NPHS1: variants seen among roughly 807,000 people sequenced by gnomAD.
The protein encoded by NPHS1 is nephrin.
NPHS1 carries 107 observed loss-of-function variants against 139.7 expected under a neutral mutation model. The observed-to-expected ratio is 0.77, with a 90% CI of 0.66 to 0.90. NPHS1 has a LOEUF of 0.90. Ranked by LOEUF, NPHS1 falls within the 40% of genes least tolerant of loss-of-function variation. The pLI is 0.00. For synonymous variants in NPHS1, 707 were observed against 706.6 expected (o/e 1.00, Z -0.01); for missense variants, 1,580 against 1,654.2 (o/e 0.96, Z 0.78).
intron 22 of NPHS1, among the ~76,000 whole-genome samples, chr19:35,837,813 G>A (rs1463811643): frequency 6.6e-6 from 1 of 151,822 alleles, no homozygotes; most frequent in Non-Finnish European, 1.5e-5. Context: ...TGTTGGTCAG[G>A]CTGGTCTCAA....
rs766776753 is a variant in NPHS1, at chr19:35,842,183, G to C, written c.2604C>G (p.Val868=). The change falls in exon 19 of 29, where the codon GTC becomes GTG. Residue 868 remains valine, a synonymous_variant. Transcript: ENST00000378910. ...TTGTCCAAGTGAAAACGATGTTGGG[G>C]ACACCTCGGGCACGGCAGTGGAGGG... ...SATLHCRARG[V]PNIVFTWTKN... is the part of the protein sequence containing the mutation. 7 of 1,611,474 alleles carry C rather than the reference G, an allele frequency of 4.3e-6. No individual in the cohort carries two copies. In the East Asian group the frequency reaches 1.6e-4, roughly 36 times the overall value.
At chr19:35,830,200 G>A (rs886574160) in intron 28 of NPHS1, among the ~76,000 whole-genome samples, 24 of 152,192 alleles carry the variant, frequency 1.6e-4, no homozygotes, top group Admixed American at 1.1e-3. Flanking sequence ...CTCCTTTGCC[G>A]TCAGATGTGA....
In NPHS1 at chr19:35,844,094, G is replaced by A. The variant is rs1460836648; in HGVS notation, c.2212+9C>T. On this transcript the variant is annotated intron_variant, in intron 16 of 28. Transcript: ENST00000378910. ...GGTGGGTGTGGTTTCCATGGTGGGC[G>A]GGGCTCACAGTGCACGTCCAGCCGC... 3 of 1,605,622 alleles carry A rather than the reference G, an allele frequency of 1.9e-6. No individual in the cohort carries two copies. Among genetic ancestry groups the A allele is most frequent in the South Asian group, 1.1e-5 (1 of 90,898 alleles).
At position 35,852,485 on chromosome 19, in the gene NPHS1, C is replaced by T. The variant is rs1052693711; in HGVS notation, c.-648G>A. Among the ~76,000 whole-genome samples, 2 of 152,146 alleles carry T rather than the reference C, an allele frequency of 1.3e-5. No individual in the cohort carries two copies. The highest frequency in any genetic ancestry group is 4.8e-5 in the African/African-American group (2 of 41,436). ...TGGCAGAGTCAGCCCTGCTCTCTGA[C>T]CCAGCTTGAGCTCATTCTCACAGTG... On this transcript the variant is annotated 5_prime_UTR_variant, in exon 1 of 29. Coordinates refer to ENST00000378910, the MANE Select transcript of NPHS1 (RefSeq NM_004646.4).
At chr19:35,831,186 C>T (rs1300498388) in intron 26 of NPHS1, 40 bp from the exon 27 acceptor site, 1 of 1,611,784 alleles carries the variant, frequency 6.2e-7, no homozygotes, top group South Asian at 1.1e-5. Flanking sequence ...CCTTTCCATC[C>T]TCTGACCCCA....
At chr19:35,827,635 T>G (rs897442269) in intron 28 of NPHS1, among the ~76,000 whole-genome samples, 6 of 152,110 alleles carry the variant, frequency 3.9e-5, no homozygotes, top group Non-Finnish European at 5.9e-5. Context: ...ATAAAACCTT[T>G]AGGCCAAGCA....
Position 35,826,603 on chromosome 19 carries a change from G to T in NPHS1, c.3637C>A (p.Pro1213Thr). Residue 1213 changes from proline to threonine, a missense_variant, in exon 29 of 29, where the codon CCA (proline) becomes ACA (threonine). Pro to Thr is a conservative substitution (Grantham distance 38). Transcript: ENST00000378910. ...GCCACCTGGTCATAGATTCCTCTTG[G>T]ATCCTGATATGTGTCTTCAGGCCAG... ...LHWPEDTYQD[P>T]RGIYDQVAGD... The T allele has an allele frequency of 6.2e-7, 1 of 1,614,072 alleles. No individual in the cohort carries two copies.
In NPHS1 at chr19:35,830,890, T is replaced by G. The variant is rs773724281; in HGVS notation, c.3548A>C (p.Tyr1183Ser). The change falls in exon 28 of 29, where the codon TAC (tyrosine) becomes TCC (serine). Residue 1183 changes from tyrosine (Y) to serine (S), a missense_variant. Tyr to Ser is a moderately radical substitution (Grantham distance 144, BLOSUM62 -2). Transcript: ENST00000378910. ...GGGTCCCCAGGCTCCAGACGGGGGG[T>G]ACGTTCTTTCTACCTCATCATACAA... ...GHLYDEVERT[Y>S]PPSGAWGPLY... 6.2e-6 allele frequency: 10 copies of G among 1,613,792 alleles called. No homozygotes were observed. The Admixed American group carries it at 1.5e-4, about 24-fold the overall frequency.
chr19:35,831,277 C>G lies in NPHS1; in HGVS notation c.3387+19G>C, dbSNP rs752235747. The G allele has an allele frequency of 1.2e-6, 2 of 1,613,714 alleles. No homozygotes were observed. The highest frequency in any genetic ancestry group is 1.7e-5 in the Admixed American group (1 of 60,016). On this transcript the variant is annotated intron_variant, in intron 26 of 28. Transcript: ENST00000378910. ...GTCGGTGCCCTGATTGTGGGGTCAC[C>G]AGGGCCACCCCCACTTACCGTGGAG...
Position 35,846,134 on chromosome 19 carries a change from T to C in NPHS1, c.1501A>G (p.Ser501Gly), listed in dbSNP as rs1161321791. The C allele has an allele frequency of 6.3e-7, 1 of 1,597,886 alleles. No homozygotes were observed. The highest frequency in any genetic ancestry group is 1.1e-5 in the South Asian group (1 of 88,260). ...PQESRRVHLG[S>G]VEKSGSTFSR... ...AAGGTGCTCCCAGATTTCTCCACGC[T>C]GCCGAGATGCACGCGCCGCGACTCC... is the stretch of plus-strand genomic sequence containing the variant. Residue 501 changes from serine to glycine, a missense_variant, in exon 12 of 29, where the codon AGC becomes GGC. By Grantham distance (56) the Ser-to-Gly change is moderately conservative (BLOSUM62 0). Transcript: ENST00000378910.
intron 20 of NPHS1, 83 bp downstream of exon 20, chr19:35,841,632 A>T (rs567186833): frequency 1.9e-6 from 3 of 1,545,898 alleles, no homozygotes; most frequent in South Asian, 1.1e-5. Flanking sequence ...TTTCAGAAAC[A>T]TGGGCAGCCC....
At position 35,845,900 on chromosome 19, in the gene NPHS1, A is replaced by C. The variant is rs898546136; in HGVS notation, c.1628-102T>G. 6.6e-7 allele frequency: 1 copy of C among 1,523,570 alleles called. No individual in the cohort carries two copies. The allele number at this position is 1,523,570 out of a possible 1,614,324, so 94.4% of individuals were successfully genotyped here. A position where few individuals can be genotyped will look rare whatever the true frequency, so the allele number is the denominator to read the frequency against. On this transcript the variant is annotated intron_variant, in intron 12 of 28. Transcript: ENST00000378910. The surrounding 1 kb of genome is among the most constrained non-coding windows in gnomAD (Gnocchi z 5.5). ...GGCTCCGCCCAGTCTCGGGTCCCCC[A>C]CCCCGCCTCCGCCCGCTTTCCCCGG... is the stretch of plus-strand genomic sequence containing the variant.
Position 35,841,715 on chromosome 19 carries a change from T to C in NPHS1, c.2815A>G (p.Ser939Gly). ...DQTNIQLVSISRPDPPSGLKV... is the reference protein window; with the variant it reads ...DQTNIQLVSIGRPDPPSGLKV... ...CAACACCCTCACAGCCCCTCCATAC[T>C]GATGCTGACAAGTTGAATGTTGGTT... The change falls in exon 20 of 29, where the codon AGC becomes GGC. Residue 939 changes from serine to glycine, a missense_variant and splice_region_variant. Physicochemically the swap from Ser to Gly is moderately conservative, Grantham distance 56 (BLOSUM62 0). Coordinates refer to ENST00000378910, the MANE Select transcript of NPHS1 (RefSeq NM_004646.4). The C allele has an allele frequency of 1.2e-6, 2 of 1,614,094 alleles. No homozygotes were observed. The highest frequency in any genetic ancestry group is 1.1e-5 in the South Asian group (1 of 91,082).
rs199646631 is a variant in NPHS1 at position 35,831,655 on chromosome 19, G to A, written c.3274C>T (p.Arg1092Cys). The A allele has an allele frequency of 3.6e-5, 58 of 1,612,868 alleles. No individual in the cohort carries two copies. In the East Asian group the frequency reaches 9.8e-4, roughly 27 times the overall value. Residue 1092 changes from arginine to cysteine, a missense_variant, in exon 24 of 29, where the codon CGT becomes TGT. Transcript: ENST00000378910. ...GGVLWQRRLR[R>C]LAEGISEKTE... is the part of the protein sequence containing the mutation. Reference sequence around the variant, plus strand: ...GGTCTCTCCTCACCCTCAGCAAGACGCCTGAGTCTCCGCTGCCAGAGGACC... The same window carrying A: ...GGTCTCTCCTCACCCTCAGCAAGACACCTGAGTCTCCGCTGCCAGAGGACC...
chr19:35,832,191 G>C (rs991855886), intron 23 of NPHS1, among the ~76,000 whole-genome samples: 8 of 152,188 alleles, frequency 5.3e-5, no homozygotes, highest in African/African-American at 9.6e-5. Context: ...CTTTGGAATA[G>C]TTAAGTGTCT....
chr19:35,849,536 A>G lies in NPHS1; in HGVS notation c.712+14T>C. On this transcript the variant is annotated intron_variant, in intron 6 of 28. Coordinates refer to ENST00000378910, the MANE Select transcript of NPHS1 (RefSeq NM_004646.4). Reference sequence around the variant, plus strand: ...CCATCCTCAGCGCCCTAGTTGGCCCAGTTCTCCACTTACACAGAACATTCA... The same window carrying G: ...CCATCCTCAGCGCCCTAGTTGGCCCGGTTCTCCACTTACACAGAACATTCA... The G allele has an allele frequency of 1.2e-6, 2 of 1,609,922 alleles. No homozygotes were observed. The highest frequency in any genetic ancestry group is 1.1e-5 in the South Asian group (1 of 90,986).
At position 35,843,493 on chromosome 19, in the gene NPHS1, G is replaced by T. The variant is rs1259809829; in HGVS notation, c.2313C>A (p.Gly771=). 6.2e-7 allele frequency: 1 copy of T among 1,614,096 alleles called. No individual in the cohort carries two copies. Among genetic ancestry groups the T allele is most frequent in the Admixed American group, 1.7e-5 (1 of 60,012 alleles). The change falls in exon 17 of 29, where the codon GGC becomes GGA. Residue 771 remains glycine, a synonymous_variant. Transcript: ENST00000378910. ...TCACCAGTCTCTCCCAGTTGAACAT[G>T]CCCGGGAGGATGGGATTGGCATCGA... ...CTVDANPILP[G]MFNWERLGED... is the part of the protein sequence containing the mutation.
At chr19:35,835,155 T>G (rs1972938809) in intron 23 of NPHS1, among the ~76,000 whole-genome samples, 1 of 143,548 alleles carries the variant, frequency 7.0e-6, no homozygotes. Flanking sequence ...AGCCAAGATT[T>G]TGCCACTTCA....
At chr19:35,837,730 G>A (rs1972987899) in intron 22 of NPHS1, among the ~76,000 whole-genome samples, 1 of 151,938 alleles carries the variant, frequency 6.6e-6, no homozygotes. Context: ...AGCCTCCCAA[G>A]TAACTGGGAT....
Sources: gnomAD v4.1 joint callset for allele counts (sites outside exome capture counted in the v4.1 genomes callset) on GRCh38, gnomAD v4.1.1 for gene constraint, Gnocchi (gnomAD v3.1) non-coding constraint, MANE v1.5 for transcripts, NCBI Gene and HGNC (gene_info 2026-07-23, HGNC 2026-07-21) for gene names.